The following RBFOX3 variants were observed in gnomAD, a reference collection of about 807,000 sequenced individuals.
RBFOX3 encodes RNA binding protein fox-1 homolog 3.
Under a neutral mutation model 48.7 loss-of-function variants are expected in RBFOX3, and 17 were observed. The ratio of observed to expected loss-of-function variants is 0.35; its 90% CI spans 0.24 to 0.52. RBFOX3 has a LOEUF of 0.52. RBFOX3 is among the 20% of genes least tolerant of loss of function. The probability of loss-of-function intolerance (pLI) is 0.94; values close to 1 mark genes in which losing one functional copy is unlikely to be tolerated. For synonymous variants in RBFOX3, 212 were observed against 209.5 expected, an observed-to-expected ratio of 1.01 and a Z score of -0.10; for missense variants, 382 against 497.5, an observed-to-expected ratio of 0.77 and a Z score of 2.21.
intron 5 of RBFOX3, among the ~76,000 whole-genome samples, chr17:79,114,899 GCT>G (rs1168171229): frequency 9.8e-5 from 15 of 152,362 alleles, no homozygotes; most frequent in Middle Eastern, 3.4e-3. Flanking sequence ...CTCCCTGCTG[GCT>G]CTCTTTGCTC....
chr17:79,493,818 C>T (rs2081047844), intron 1 of RBFOX3, among the ~76,000 whole-genome samples: 1 of 152,158 alleles, frequency 6.6e-6, no homozygotes, highest in South Asian at 2.1e-4. Flanking sequence ...CCTGGAGGCC[C>T]AGTTCAACTG....
intron 4 of RBFOX3, among the ~76,000 whole-genome samples, chr17:79,155,857 G>C (rs2045669175): frequency 6.6e-6 from 1 of 152,188 alleles, no homozygotes. Context: ...GCTGGGGGTA[G>C]AGCTGTTCCC....
chr17:79,618,256 G>A, the RBFOX3 span, among the ~76,000 whole-genome samples: 8 of 152,158 alleles, frequency 5.3e-5, no homozygotes, highest in African/African-American at 1.2e-4. Flanking sequence ...TTCTGCAGCC[G>A]GGGCAGTGGC....
At chr17:79,604,641 A>G (rs2093786001) in intron 1 of RBFOX3, among the ~76,000 whole-genome samples, 2 of 152,224 alleles carry the variant, frequency 1.3e-5, no homozygotes, top group Admixed American at 1.3e-4. Flanking sequence ...TCCAGGAGAG[A>G]AACCTCTAAT....
At chr17:79,096,627 CT>C in intron 12 of RBFOX3, 25 bp downstream of exon 12, 4 of 1,489,832 alleles carry the variant, frequency 2.7e-6, no homozygotes, top group Non-Finnish European at 2.7e-6. Context: ...TGATCCCACC[CT>C]CCCTCCCGGC....
chr17:79,396,895 G>A (rs914210753), intron 2 of RBFOX3, among the ~76,000 whole-genome samples: 7 of 152,260 alleles, frequency 4.6e-5, no homozygotes, highest in Non-Finnish European at 1.5e-5. Context: ...GGTCCGTGAA[G>A]CCGGGCCAGG....
intron 1 of RBFOX3, among the ~76,000 whole-genome samples, chr17:79,537,239 G>A (rs1345868197): frequency 3.3e-5 from 5 of 152,204 alleles, no homozygotes; most frequent in South Asian, 2.1e-4. Flanking sequence ...CGCCCCTTCC[G>A]GCTTCTGGCA....
chr17:79,218,448 C>T (rs1386194277), intron 4 of RBFOX3, among the ~76,000 whole-genome samples: 1 of 152,142 alleles, frequency 6.6e-6, no homozygotes, highest in Non-Finnish European at 1.5e-5. Flanking sequence ...CCCAAAATAG[C>T]CTGGAAGGTC....
chr17:79,138,798 TACCCACACACATGCGTTCACACCCCCTC>T (rs2041111899), intron 4 of RBFOX3, among the ~76,000 whole-genome samples: 3 of 21,244 alleles, frequency 1.4e-4, no homozygotes, highest in Non-Finnish European at 1.8e-4. Flanking sequence ...CACGCCCCCT[TACCCACACACATGCGTTCACACCCCCTC>T]ACCCACACAC....
intron 1 of RBFOX3, among the ~76,000 whole-genome samples, chr17:79,514,560 G>A (rs1405922467): frequency 3.9e-5 from 6 of 152,220 alleles, no homozygotes; most frequent in African/African-American, 7.2e-5. Context: ...ACCACACAGC[G>A]ATATCCTGCC....
At chr17:79,617,656 A>T in the RBFOX3 span, among the ~76,000 whole-genome samples, 1 of 152,128 alleles carries the variant, frequency 6.6e-6, no homozygotes, top group Non-Finnish European at 1.5e-5. Context: ...CCTAAACACC[A>T]GCGTCCCATT....
chr17:79,218,113 TG>T (rs1167420733), intron 4 of RBFOX3, among the ~76,000 whole-genome samples: 2 of 152,024 alleles, frequency 1.3e-5, no homozygotes, highest in Non-Finnish European at 2.9e-5. Flanking sequence ...GAAGCCAGTC[TG>T]AAGGAAACAG....
At position 79,356,348 on chromosome 17, in the gene RBFOX3, G is replaced by GTTTT. The variant is rs58040659; in HGVS notation, c.-174-48528_-174-48525dup. On this transcript the variant is annotated intron_variant, in intron 2 of 14. Transcript: ENST00000693108. ...ACTTTTTCACTTTTAAAACAGGGAA[G>GTTTT]TTTTTTTTTTTTTTTTTTTTTTTTT... 1.1e-4 allele frequency among the ~76,000 whole-genome samples: 5 copies of GTTTT among 47,330 alleles called. 1 individual carries two copies. The highest frequency in any genetic ancestry group is 9.0e-4 in the South Asian group (1 of 1,106). 31.1% of individuals were successfully genotyped at this position (47,330 alleles called of 152,430 possible).
intron 3 of RBFOX3, among the ~76,000 whole-genome samples, chr17:79,294,988 C>T (rs1307103312): frequency 6.6e-6 from 1 of 152,164 alleles, no homozygotes; most frequent in Non-Finnish European, 1.5e-5. Context: ...AAGAGAACAG[C>T]GGCCAGTTCA....
chr17:79,542,619 A>G (rs2089877796), intron 1 of RBFOX3, among the ~76,000 whole-genome samples: 1 of 152,184 alleles, frequency 6.6e-6, no homozygotes, highest in African/African-American at 2.4e-5. Context: ...CCCCGTCTCT[A>G]CTAAAAATAC....
chr17:79,118,991 A>AAG (rs1555696314), intron 4 of RBFOX3, among the ~76,000 whole-genome samples: 1,663 of 147,112 alleles, frequency 0.011, 33 homozygotes, highest in African/African-American at 0.039. Flanking sequence ...AAAAAAAAAA[A>AAG]AATAAAGAAA....
rs200718839 is a variant in RBFOX3 at position 79,281,189 on chromosome 17, T to A, written c.-74+26535A>T. Among the ~76,000 whole-genome samples, 19 of 152,360 alleles carry A rather than the reference T, an allele frequency of 1.2e-4. No homozygotes were observed. The East Asian group carries it at 3.3e-3, about 26-fold the overall frequency. On this transcript the variant is annotated intron_variant, in intron 3 of 14. Transcript: ENST00000693108. ...TTTATTTGTAAAATGGGAACAGCCT[T>A]GTGGAGTTGAGGGAAGGATTTGGAT...
At position 79,378,974 on chromosome 17, in the gene RBFOX3, C is replaced by T. The variant is rs192934106; in HGVS notation, c.-174-71150G>A. ...TCCAGGCTGCACAAGCTTCGGAAAG[C>T]GGGTAGGAGCCTGGGTTCCGTGTCC... On this transcript the variant is annotated intron_variant, in intron 2 of 14. Transcript: ENST00000693108. Among the ~76,000 whole-genome samples the T allele has an allele frequency of 4.8e-4, 73 of 152,268 alleles. No individual in the cohort carries two copies. In the East Asian group the frequency reaches 8.9e-3, roughly 19 times the overall value.
At chr17:79,424,728 G>A (rs1235353237) in intron 2 of RBFOX3, among the ~76,000 whole-genome samples, 2 of 152,164 alleles carry the variant, frequency 1.3e-5, no homozygotes, top group South Asian at 2.1e-4. Context: ...CCCTCGGGCC[G>A]GGCCGGAGCT....
Sources: allele counts gnomAD v4.1 joint callset (sites outside exome capture counted in the v4.1 genomes callset), GRCh38; gene constraint gnomAD v4.1.1; transcripts MANE v1.5; gene names NCBI Gene and HGNC (gene_info 2026-07-23, HGNC 2026-07-21).